The following PSTPIP2 variants were observed in gnomAD, a reference collection of about 807,000 sequenced individuals.
PSTPIP2 encodes proline-serine-threonine phosphatase interacting protein 2, also known as proline-serine-threonine phosphatase-interacting protein 2.
PSTPIP2 carries 33 observed loss-of-function variants against 63.3 expected under a neutral mutation model. The observed-to-expected ratio is 0.52, with a 90% CI of 0.40 to 0.70. The LOEUF (loss-of-function observed/expected upper bound fraction) is 0.70, where lower values mean the gene tolerates loss of function less well. Ranked by LOEUF, PSTPIP2 falls within the 30% of genes least tolerant of loss-of-function variation. The probability of loss-of-function intolerance (pLI) is 0.00; values close to 1 mark genes in which losing one functional copy is unlikely to be tolerated. For missense variants in PSTPIP2, 312 were observed against 400.7 expected, an observed-to-expected ratio of 0.78 and a Z score of 1.89; for synonymous variants, 125 against 132.7, an observed-to-expected ratio of 0.94 and a Z score of 0.40.
chr18:45,991,515 T>C (rs2051532478), intron 12 of PSTPIP2, among the ~76,000 whole-genome samples: 1 of 152,210 alleles, frequency 6.6e-6, no homozygotes, highest in Non-Finnish European at 1.5e-5. Flanking sequence ...CACAAAACAG[T>C]ATTGTCTTGA....
At chr18:46,048,637 A>G (rs1908469401) in intron 1 of PSTPIP2, among the ~76,000 whole-genome samples, 1 of 152,214 alleles carries the variant, frequency 6.6e-6, no homozygotes, top group Admixed American at 6.5e-5. Context: ...ATCAGGGCAC[A>G]TTCTACAAAA....
At chr18:46,047,940 A>G (rs937600852) in intron 1 of PSTPIP2, among the ~76,000 whole-genome samples, 2 of 152,204 alleles carry the variant, frequency 1.3e-5, no homozygotes, top group Non-Finnish European at 2.9e-5. Context: ...TAATTTCACA[A>G]TTGAGAAACC....
intron 2 of PSTPIP2, among the ~76,000 whole-genome samples, chr18:46,031,698 G>A (rs188440440): frequency 3.4e-4 from 52 of 152,034 alleles, no homozygotes; most frequent in African/African-American, 9.2e-4. Context: ...CCTTTTAGCC[G>A]CAGAATTATA....
At chr18:46,007,026 C>T (rs1191082562) in intron 5 of PSTPIP2, among the ~76,000 whole-genome samples, 1 of 152,166 alleles carries the variant, frequency 6.6e-6, no homozygotes, top group Non-Finnish European at 1.5e-5. Context: ...TGTCATTATC[C>T]TTATGATAGC....
chr18:46,000,968 C>T (rs1568212120), intron 6 of PSTPIP2, among the ~76,000 whole-genome samples: 1 of 152,108 alleles, frequency 6.6e-6, no homozygotes, highest in Non-Finnish European at 1.5e-5. Context: ...AAATACGGCA[C>T]ATATACACAA....
intron 1 of PSTPIP2, among the ~76,000 whole-genome samples, chr18:46,053,466 T>C (rs1908649157): frequency 6.6e-6 from 1 of 152,198 alleles, no homozygotes; most frequent in Non-Finnish European, 1.5e-5. Context: ...ATGCCTTTTC[T>C]CCTCCTCTAA....
intron 3 of PSTPIP2, 72 bp from the exon 4 acceptor site, chr18:46,016,009 C>G: frequency 6.6e-7 from 1 of 1,515,336 alleles, no homozygotes; most frequent in Non-Finnish European, 9.1e-7. Context: ...AATGCCTTTG[C>G]ATGCTTCTCT....
chr18:46,010,319 G>T (rs146674053), intron 5 of PSTPIP2, among the ~76,000 whole-genome samples: 16 of 152,336 alleles, frequency 1.1e-4, no homozygotes, highest in African/African-American at 3.8e-4. Context: ...CCCCGGGCAG[G>T]GTGAAAGAGG....
intron 1 of PSTPIP2, among the ~76,000 whole-genome samples, chr18:46,049,788 G>T (rs1035083530): frequency 6.6e-6 from 1 of 152,186 alleles, no homozygotes; most frequent in South Asian, 2.1e-4. Context: ...GCTGAGGCAC[G>T]AGAATCACTT....
intron 1 of PSTPIP2, chr18:46,040,378 A>C: frequency 4.7e-6 from 1 of 210,634 alleles, no homozygotes; most frequent in South Asian, 7.9e-5. Context: ...CAAAGATAAC[A>C]TCTTTACATA....
At chr18:46,057,778 G>A (rs961188135) in intron 1 of PSTPIP2, among the ~76,000 whole-genome samples, 1 of 152,016 alleles carries the variant, frequency 6.6e-6, no homozygotes, top group East Asian at 1.9e-4. Context: ...CAGGCGGATC[G>A]TGAGGTCAGG....
In PSTPIP2 at chr18:46,072,233, C is replaced by G; in HGVS notation, c.-45G>C. 4 of 1,526,424 alleles carry G rather than the reference C, an allele frequency of 2.6e-6. No homozygotes were observed. Among genetic ancestry groups the G allele is most frequent in the Non-Finnish European group, 3.5e-6 (4 of 1,136,982 alleles). The allele number at this position is 1,526,424 out of a possible 1,614,324, so 94.6% of individuals were successfully genotyped here. A position where few individuals can be genotyped will look rare whatever the true frequency, so the allele number is the denominator to read the frequency against. ...CGGAGGAGAGCCGGGCCGCAGGTAGCACAGAGCGGGGAGGCCTGACTGCCA... is the reference window on the plus strand; with the variant it reads ...CGGAGGAGAGCCGGGCCGCAGGTAGGACAGAGCGGGGAGGCCTGACTGCCA... On this transcript the variant is annotated 5_prime_UTR_variant, in exon 1 of 15. Coordinates refer to ENST00000409746, the MANE Select transcript of PSTPIP2 (RefSeq NM_024430.4).
At chr18:46,051,910 A>C (rs866912553) in intron 1 of PSTPIP2, among the ~76,000 whole-genome samples, 1 of 152,226 alleles carries the variant, frequency 6.6e-6, no homozygotes. Flanking sequence ...GATGCATCAT[A>C]TTACCGGGCA....
chr18:46,001,440 T>C (rs1483146242), intron 6 of PSTPIP2, among the ~76,000 whole-genome samples: 1 of 152,142 alleles, frequency 6.6e-6, no homozygotes, highest in Non-Finnish European at 1.5e-5. Context: ...TTTTAACCAA[T>C]TGTTTGTTTT....
chr18:45,992,338 G>A (rs530687029), intron 10 of PSTPIP2, 136 bp from the exon 11 acceptor site: 482 of 692,358 alleles, frequency 7.0e-4, no homozygotes, highest in Middle Eastern at 6.7e-4. Flanking sequence ...TGGGGTGGGC[G>A]GATCACAAGG....
chr18:46,027,667 A>G (rs1178570646), intron 2 of PSTPIP2, among the ~76,000 whole-genome samples: 1 of 152,034 alleles, frequency 6.6e-6, no homozygotes, highest in African/African-American at 2.4e-5. Context: ...TCCAGCATGG[A>G]TGACAAAGTA....
Position 45,990,872 on chromosome 18 carries a change from G to T in PSTPIP2, c.921-116C>A, listed in dbSNP as rs2051522616. ...TCAGATCTGGTTTCTGCACTGGAGG[G>T]TCAAGAAAGCTCACCTAAAGCAAAT... On this transcript the variant is annotated intron_variant, in intron 12 of 14. Transcript: ENST00000409746. 4 of 791,500 alleles carry T rather than the reference G, an allele frequency of 5.1e-6. No individual in the cohort carries two copies. In the East Asian group the frequency reaches 1.2e-4, roughly 23 times the overall value. 49.0% of individuals were successfully genotyped at this position (791,500 alleles called of 1,614,324 possible).
At chr18:46,014,317 G>A (rs202099025) in intron 4 of PSTPIP2, among the ~76,000 whole-genome samples, 1 of 145,360 alleles carries the variant, frequency 6.9e-6, no homozygotes, top group Non-Finnish European at 1.5e-5. Flanking sequence ...CCACCGCACA[G>A]GCCAAAAGGG....
At position 46,006,056 on chromosome 18, in the gene PSTPIP2, C is replaced by T. The variant is rs570377323; in HGVS notation, c.355-525G>A. Reference sequence around the variant, plus strand: ...AAGCTGTTCTGTTACTCTTTTATTCCATTTTTTTATTTTTTAAGACAGAGT... The same window carrying T: ...AAGCTGTTCTGTTACTCTTTTATTCTATTTTTTTATTTTTTAAGACAGAGT... On this transcript the variant is annotated intron_variant, in intron 5 of 14. Transcript: ENST00000409746. 2.2e-3 allele frequency among the ~76,000 whole-genome samples: 328 copies of T among 152,024 alleles called. 3 individuals carry two copies. Among genetic ancestry groups the T allele is most frequent in the Middle Eastern group, 0.014 (4 of 294 alleles).
Sources: allele counts gnomAD v4.1 joint callset (sites outside exome capture counted in the v4.1 genomes callset), GRCh38; gene constraint gnomAD v4.1.1; transcripts MANE v1.5; gene names NCBI Gene and HGNC (gene_info 2026-07-23, HGNC 2026-07-21).